ASAP1: variants seen among roughly 807,000 people sequenced by gnomAD.
ASAP1 encodes arf-GAP with SH3 domain, ANK repeat and PH domain-containing protein 1.
A neutral mutation model predicts 145.2 loss-of-function variants in ASAP1; 43 were observed. The observed-to-expected ratio is 0.30, with a 90% CI of 0.23 to 0.38. The LOEUF (loss-of-function observed/expected upper bound fraction) is 0.38, where lower values mean the gene tolerates loss of function less well. Among genes scored for constraint, ASAP1 ranks in the 10% least tolerant of loss-of-function variants. The pLI is 1.00. For synonymous variants in ASAP1, 546 were observed against 515.5 expected, an observed-to-expected ratio of 1.06 and a Z score of -0.80; for missense variants, 1,018 against 1,355.3, an observed-to-expected ratio of 0.75 and a Z score of 3.91.
intron 2 of ASAP1, among the ~76,000 whole-genome samples, chr8:130,360,388 T>G (rs1320693528): frequency 6.6e-6 from 1 of 152,174 alleles, no homozygotes; most frequent in Admixed American, 6.5e-5. Flanking sequence ...CTGGCTGTTA[T>G]GTTGAGTTCA....
At chr8:130,221,545 T>C (rs1817295725) in intron 4 of ASAP1, among the ~76,000 whole-genome samples, 1 of 152,198 alleles carries the variant, frequency 6.6e-6, no homozygotes, top group African/African-American at 2.4e-5. Flanking sequence ...AAGTCTCCTT[T>C]TCTCTGTCTT....
rs2097399534 is a variant in ASAP1, at chr8:130,054,584, C to T, written c.*147G>A. The T allele has an allele frequency of 1.5e-6, 1 of 663,158 alleles. No individual in the cohort carries two copies. The highest frequency in any genetic ancestry group is 2.7e-6 in the Non-Finnish European group (1 of 371,304). 41.1% of individuals were successfully genotyped at this position (663,158 alleles called of 1,614,324 possible). The stretch of plus-strand genomic sequence containing the variant: ...AAGGCAGAAAACCACAGGATATTTA[C>T]AACACACATTATATCCCCCTCCTGA... On this transcript the variant is annotated 3_prime_UTR_variant, in exon 30 of 30. Coordinates refer to ENST00000518721, the MANE Select transcript of ASAP1 (RefSeq NM_018482.4).
intron 1 of ASAP1, among the ~76,000 whole-genome samples, chr8:130,427,471 C>A (rs1319653693): frequency 1.3e-5 from 2 of 152,202 alleles, no homozygotes; most frequent in African/African-American, 2.4e-5. Flanking sequence ...CAGTGTAGAA[C>A]AACTGACTTT....
chr8:130,319,585 AT>A, intron 3 of ASAP1, among the ~76,000 whole-genome samples: 1 of 152,230 alleles, frequency 6.6e-6, no homozygotes, highest in Non-Finnish European at 1.5e-5. Context: ...ACACACTGGC[AT>A]CCACTGGTGG....
At chr8:130,407,177 T>C (rs898546746) in intron 1 of ASAP1, among the ~76,000 whole-genome samples, 29 of 152,258 alleles carry the variant, frequency 1.9e-4, no homozygotes, top group African/African-American at 6.7e-4. Context: ...CCCATACCTA[T>C]CCTAGAAGAA....
chr8:130,155,430 G>A (rs778496422), intron 12 of ASAP1, among the ~76,000 whole-genome samples: 46 of 152,134 alleles, frequency 3.0e-4, no homozygotes, highest in Non-Finnish European at 5.0e-4. Context: ...GCAGTGGTGC[G>A]ATCATGGCTC....
intron 3 of ASAP1, among the ~76,000 whole-genome samples, chr8:130,329,870 A>T (rs1431664456): frequency 6.6e-6 from 1 of 152,202 alleles, no homozygotes; most frequent in Non-Finnish European, 1.5e-5. Context: ...ATGTTTATCA[A>T]TTAACTGGAG....
chr8:130,343,985 T>C (rs1380017422), intron 3 of ASAP1, among the ~76,000 whole-genome samples: 2 of 152,242 alleles, frequency 1.3e-5, no homozygotes, highest in Non-Finnish European at 2.9e-5. Flanking sequence ...TCTTCTTTTA[T>C]ACTTGTCCTC....
intron 3 of ASAP1, among the ~76,000 whole-genome samples, chr8:130,328,326 A>G (rs894128377): frequency 1.3e-5 from 2 of 152,260 alleles, no homozygotes; most frequent in African/African-American, 4.8e-5. Flanking sequence ...CAAATAATAC[A>G]GTAGTCAATA....
chr8:130,390,754 A>G (rs1828240233), intron 2 of ASAP1, among the ~76,000 whole-genome samples: 1 of 152,248 alleles, frequency 6.6e-6, no homozygotes, highest in Non-Finnish European at 1.5e-5. Context: ...GATGGCTACT[A>G]TCACAAAAAC....
intron 24 of ASAP1, among the ~76,000 whole-genome samples, chr8:130,101,731 A>C (rs1213635979): frequency 5.0e-5 from 2 of 39,630 alleles, no homozygotes; most frequent in Non-Finnish European, 9.1e-5. Context: ...ACACCTGGTT[A>C]ATTTTTTTTT....
chr8:130,224,812 G>C (rs181354225), intron 4 of ASAP1, among the ~76,000 whole-genome samples: 100 of 152,228 alleles, frequency 6.6e-4, no homozygotes, highest in African/African-American at 2.3e-3. Context: ...GCTCTTACAC[G>C]CTGTTACTTT....
chr8:130,160,756 ATATATTCTCATAAAAAG>A (rs1565033816), intron 11 of ASAP1: 1 of 1,261,248 alleles, frequency 7.9e-7, no homozygotes, highest in East Asian at 5.6e-5. Flanking sequence ...AAGTAGGACA[ATATATTCTCATAAAAAG>A]TATTGACTTA....
chr8:130,077,537 CTTTTTTTTTTTT>C (rs58327713), intron 26 of ASAP1, among the ~76,000 whole-genome samples: 5 of 62,030 alleles, frequency 8.1e-5, no homozygotes, highest in Admixed American at 5.0e-4. Flanking sequence ...GCTGCTGCTG[CTTTTTTTTTTTT>C]TTTTTTTTTT....
intron 3 of ASAP1, among the ~76,000 whole-genome samples, chr8:130,293,318 C>T (rs1822058593): frequency 6.6e-6 from 1 of 152,208 alleles, no homozygotes; most frequent in South Asian, 2.1e-4. Flanking sequence ...TTCACCAAGG[C>T]TTTCCAAATC....
rs754454440 is a variant in ASAP1, at chr8:130,116,982, T to C, written c.1894A>G (p.Lys632Glu). 2.5e-6 allele frequency: 4 copies of C among 1,607,130 alleles called. No homozygotes were observed. Among genetic ancestry groups the C allele is most frequent in the East Asian group, 4.5e-5 (2 of 44,798 alleles). Residue 632 changes from lysine to glutamate, a missense_variant, in exon 21 of 30, where the codon AAG becomes GAG. Around this residue, in one of 9 missense-constraint regions of ASAP1, gnomAD observed 353 missense variants for 375.4 expected, o/e 0.94. Transcript: ENST00000518721. Reference protein sequence around the residue: ...FLVQNCGNLDKQTALGNTVLH... With the variant: ...FLVQNCGNLDEQTALGNTVLH... ...ACTGTGTTTCCCAGGGCCGTCTGCT[T>C]ATCCAGGTTCCCACTGAAAAATTAG...
At chr8:130,319,716 G>C (rs1023847827) in intron 3 of ASAP1, among the ~76,000 whole-genome samples, 1 of 152,190 alleles carries the variant, frequency 6.6e-6, no homozygotes, top group African/African-American at 2.4e-5. Context: ...TATTAAAATA[G>C]CGGAGGGATG....
intron 24 of ASAP1, among the ~76,000 whole-genome samples, chr8:130,109,694 G>C (rs115949878): frequency 0.016 from 2,412 of 152,266 alleles, 41 homozygotes; most frequent in African/African-American, 0.041. Flanking sequence ...AATTATCTCT[G>C]CACACAGAGT....
intron 5 of ASAP1, among the ~76,000 whole-genome samples, chr8:130,192,591 A>G (rs1219026978): frequency 6.6e-6 from 1 of 152,138 alleles, no homozygotes; most frequent in Non-Finnish European, 1.5e-5. Context: ...TGGGTAAGTA[A>G]GGTTGGGGGG....
Sources: allele counts gnomAD v4.1 joint callset (sites outside exome capture counted in the v4.1 genomes callset), GRCh38; gene constraint gnomAD v4.1.1; regional missense constraint gnomAD v4.1.1; transcripts MANE v1.5; gene names NCBI Gene and HGNC (gene_info 2026-07-23, HGNC 2026-07-21).